SGCZ: variants seen among roughly 807,000 people sequenced by gnomAD.
SGCZ encodes the protein zeta-sarcoglycan.
In SGCZ, 40 loss-of-function variants were observed where a neutral mutation model predicts 41.3. That is an observed-to-expected ratio of 0.97 (90% CI 0.75 to 1.26). The LOEUF (loss-of-function observed/expected upper bound fraction) is 1.26. Ranked by LOEUF, SGCZ falls within the 50% of genes most tolerant of loss-of-function variation. The probability of loss-of-function intolerance (pLI) is 0.00; values close to 1 mark genes in which losing one functional copy is unlikely to be tolerated. For missense variants in SGCZ, 552 were observed against 369.8 expected, an observed-to-expected ratio of 1.49 and a Z score of -4.04; for synonymous variants, 206 against 137.5, an observed-to-expected ratio of 1.50 and a Z score of -3.49.
rs536610934 is a variant in SGCZ, at chr8:14,115,958, G to T, written c.548-7723C>A. On this transcript the variant is annotated intron_variant, in intron 5 of 7. Transcript: ENST00000382080. ...GAGAAACTGTGTTTTCCACTGGCAG[G>T]TCATACCGACCATTACCAAATGGAA... 1.1e-4 allele frequency among the ~76,000 whole-genome samples: 16 copies of T among 152,040 alleles called. No individual in the cohort carries two copies. In the South Asian group the frequency reaches 2.7e-3, roughly 26 times the overall value.
intron 1 of SGCZ, among the ~76,000 whole-genome samples, chr8:14,873,533 T>C (rs1265831291): frequency 6.6e-6 from 1 of 152,006 alleles, no homozygotes; most frequent in Non-Finnish European, 1.5e-5. Context: ...CAGATGTCAA[T>C]CACTTGAGAT....
intron 2 of SGCZ, among the ~76,000 whole-genome samples, chr8:14,372,212 T>A (rs371386852): frequency 1.4e-4 from 22 of 152,122 alleles, no homozygotes; most frequent in African/African-American, 5.1e-4. Flanking sequence ...AATATTAACA[T>A]TGAGAATTAT....
chr8:15,028,401 G>A (rs1803532405), intron 1 of SGCZ, among the ~76,000 whole-genome samples: 1 of 151,682 alleles, frequency 6.6e-6, no homozygotes, highest in Admixed American at 6.6e-5. Flanking sequence ...GTCTTTCTAA[G>A]TTGAAGTCAG....
chr8:14,736,895 A>G (rs559509529), intron 1 of SGCZ, among the ~76,000 whole-genome samples: 109 of 152,140 alleles, frequency 7.2e-4, no homozygotes, highest in African/African-American at 2.6e-3. Context: ...AGAAAAGAGA[A>G]GTCATTATAC....
At chr8:14,129,922 T>A (rs764559939) in intron 5 of SGCZ, among the ~76,000 whole-genome samples, 1 of 152,184 alleles carries the variant, frequency 6.6e-6, no homozygotes, top group Non-Finnish European at 1.5e-5. Context: ...TCGCAAGTAT[T>A]CTTCAGATTC....
intron 1 of SGCZ, among the ~76,000 whole-genome samples, chr8:14,872,423 G>T (rs1197626403): frequency 6.6e-6 from 1 of 152,004 alleles, no homozygotes; most frequent in Non-Finnish European, 1.5e-5. Context: ...TATTATAAAA[G>T]TGGTTACTAT....
intron 1 of SGCZ, among the ~76,000 whole-genome samples, chr8:15,096,869 T>G (rs2124024): frequency 0.63 from 95,014 of 151,670 alleles, 30,984 homozygotes; most frequent in Admixed American, 0.74. Context: ...TGTATTTTAG[T>G]AGAGATGGGG....
At chr8:14,284,428 G>A (rs886584341) in intron 3 of SGCZ, among the ~76,000 whole-genome samples, 4 of 151,454 alleles carry the variant, frequency 2.6e-5, no homozygotes, top group African/African-American at 9.8e-5. Flanking sequence ...TCTTATTTTA[G>A]TATAGGTTTA....
chr8:14,738,828 C>T lies in SGCZ; in HGVS notation c.40-183902G>A, dbSNP rs140375564. ...GTGAGTCTGAAAATGAGAGGGAGAACGGGCCGCAGGACAGGGAGTAAGTGG... is the reference window on the plus strand; with the variant it reads ...GTGAGTCTGAAAATGAGAGGGAGAATGGGCCGCAGGACAGGGAGTAAGTGG... On this transcript the variant is annotated intron_variant, in intron 1 of 7. Coordinates refer to ENST00000382080, the MANE Select transcript of SGCZ (RefSeq NM_139167.4). 7.2e-3 allele frequency among the ~76,000 whole-genome samples: 1,094 copies of T among 152,030 alleles called. 2 individuals are homozygous for T. The highest frequency in any genetic ancestry group is 0.019 in the East Asian group (98 of 5,164).
At chr8:14,557,135 G>A (rs1335631925) in intron 1 of SGCZ, among the ~76,000 whole-genome samples, 3 of 151,972 alleles carry the variant, frequency 2.0e-5, no homozygotes, top group Non-Finnish European at 2.9e-5. Context: ...TTTTGAGGTA[G>A]TAAGGTGGTA....
At chr8:14,511,935 T>C (rs1185368112) in intron 2 of SGCZ, among the ~76,000 whole-genome samples, 1 of 152,134 alleles carries the variant, frequency 6.6e-6, no homozygotes, top group Non-Finnish European at 1.5e-5. Flanking sequence ...GAAAGGTTTA[T>C]AGATTTTATA....
At chr8:14,801,070 G>A (rs1649327493) in intron 1 of SGCZ, among the ~76,000 whole-genome samples, 1 of 152,180 alleles carries the variant, frequency 6.6e-6, no homozygotes, top group Admixed American at 6.5e-5. Context: ...TGACTGATAA[G>A]TTAGAAAGTC....
intron 1 of SGCZ, among the ~76,000 whole-genome samples, chr8:15,164,198 T>C (rs1233741120): frequency 6.6e-6 from 1 of 152,250 alleles, no homozygotes; most frequent in Non-Finnish European, 1.5e-5. Context: ...GTAACATTTT[T>C]GGTGCCCAAT....
intron 1 of SGCZ, among the ~76,000 whole-genome samples, chr8:15,117,064 A>G (rs949778852): frequency 2.0e-5 from 3 of 152,202 alleles, no homozygotes; most frequent in Non-Finnish European, 4.4e-5. Flanking sequence ...TATTTCAATT[A>G]TTTCACTTAT....
At chr8:15,100,453 A>G (rs1259339937) in intron 1 of SGCZ, among the ~76,000 whole-genome samples, 2 of 152,220 alleles carry the variant, frequency 1.3e-5, no homozygotes, top group African/African-American at 2.4e-5. Flanking sequence ...GAAATCAAAG[A>G]ATATCTAAAT....
At chr8:14,837,431 G>A (rs1359192366) in intron 1 of SGCZ, among the ~76,000 whole-genome samples, 1 of 152,208 alleles carries the variant, frequency 6.6e-6, no homozygotes, top group East Asian at 1.9e-4. Flanking sequence ...CTTAAGATCT[G>A]TACTCCTCCT....
chr8:14,955,044 A>G (rs1366328108), intron 1 of SGCZ, among the ~76,000 whole-genome samples: 1 of 152,124 alleles, frequency 6.6e-6, no homozygotes, highest in Non-Finnish European at 1.5e-5. Flanking sequence ...ACATTCTCAG[A>G]ACCTGAGAAG....
chr8:14,318,705 A>G (rs1801807871), intron 3 of SGCZ, among the ~76,000 whole-genome samples: 1 of 151,984 alleles, frequency 6.6e-6, no homozygotes, highest in South Asian at 2.1e-4. Context: ...AAACCTCAGA[A>G]GAGACAGAAC....
intron 1 of SGCZ, among the ~76,000 whole-genome samples, chr8:15,118,516 C>T (rs1807355438): frequency 6.6e-6 from 1 of 152,092 alleles, no homozygotes; most frequent in African/African-American, 2.4e-5. Flanking sequence ...TTTCTCCATC[C>T]TTCTAAGGAA....
Sources: allele counts gnomAD v4.1 joint callset (sites outside exome capture counted in the v4.1 genomes callset), GRCh38; gene constraint gnomAD v4.1.1; transcripts MANE v1.5; gene names NCBI Gene and HGNC (gene_info 2026-07-23, HGNC 2026-07-21).